Variants in NALF1 observed in about 807,000 individuals in gnomAD.
NALF1 encodes the protein NALCN channel auxiliary factor 1.
Under a neutral mutation model 48.4 loss-of-function variants are expected in NALF1, and 3 were observed. The ratio of observed to expected loss-of-function variants is 0.06; its 90% confidence interval spans 0.03 to 0.16. NALF1 has a LOEUF of 0.16. NALF1 is among the 10% of genes least tolerant of loss of function. The probability of loss-of-function intolerance (pLI) is 1.00; values close to 1 mark genes in which losing one functional copy is unlikely to be tolerated. For synonymous variants in NALF1, 262 were observed against 245.7 expected, an observed-to-expected ratio of 1.07 and a Z score of -0.62; for missense variants, 526 against 571.5, an observed-to-expected ratio of 0.92 and a Z score of 0.81.
rs185539961 is a variant in NALF1, at chr13:107,367,155, G to A, written c.916-156400C>T. Among the ~76,000 whole-genome samples, 42 of 152,256 alleles carry A rather than the reference G, an allele frequency of 2.8e-4. 1 individual carries two copies. Among genetic ancestry groups the A allele is most frequent in the Admixed American group, 2.5e-3 (38 of 15,298 alleles). On this transcript the variant is annotated intron_variant, in intron 1 of 2. Coordinates refer to ENST00000375915, the MANE Select transcript of NALF1 (RefSeq NM_001080396.3). ...GGTAAGCTGTATGTGCTTACACTTG[G>A]AAAATTAATTTAAAAAAATAAAAAC...
At chr13:107,853,559 A>G (rs920298164) in intron 1 of NALF1, among the ~76,000 whole-genome samples, 3 of 152,188 alleles carry the variant, frequency 2.0e-5, no homozygotes, top group Admixed American at 1.3e-4. Context: ...GATTATCCCC[A>G]CAGCTTTAAG....
chr13:107,749,164 GTC>G (rs1555323007), intron 1 of NALF1, among the ~76,000 whole-genome samples: 6 of 139,922 alleles, frequency 4.3e-5, no homozygotes, highest in Non-Finnish European at 8.0e-5. Context: ...GTGTGTGTGT[GTC>G]TACGTGTCTG....
intron 1 of NALF1, among the ~76,000 whole-genome samples, chr13:107,713,750 T>C (rs75772943): frequency 0.069 from 10,571 of 152,290 alleles, 509 homozygotes; most frequent in Middle Eastern, 0.13. Flanking sequence ...GTGCTATATA[T>C]TTATCAGTAA....
intron 1 of NALF1, among the ~76,000 whole-genome samples, chr13:107,219,357 C>A (rs1879944262): frequency 6.6e-6 from 1 of 152,146 alleles, no homozygotes; most frequent in Admixed American, 6.5e-5. Context: ...ATTTATATCT[C>A]TAAAAAGGCA....
intron 1 of NALF1, among the ~76,000 whole-genome samples, chr13:107,679,239 G>A (rs1460277780): frequency 6.6e-6 from 1 of 151,996 alleles, no homozygotes; most frequent in African/African-American, 2.4e-5. Flanking sequence ...AATTATGGCA[G>A]GAAAATATGC....
At chr13:107,828,565 T>TTCTATCTA (rs56379915) in intron 1 of NALF1, among the ~76,000 whole-genome samples, 68 of 135,922 alleles carry the variant, frequency 5.0e-4, no homozygotes, top group East Asian at 4.6e-3. Context: ...TCATATTAAA[T>TTCTATCTA]TCTATCTATC....
intron 1 of NALF1, among the ~76,000 whole-genome samples, chr13:107,459,978 G>T (rs757709860): frequency 6.6e-6 from 1 of 152,142 alleles, no homozygotes; most frequent in Non-Finnish European, 1.5e-5. Context: ...CTGGGTTCAA[G>T]GGAGACGCCA....
At chr13:107,555,093 T>C (rs755058895) in intron 1 of NALF1, among the ~76,000 whole-genome samples, 3 of 152,072 alleles carry the variant, frequency 2.0e-5, no homozygotes, top group Non-Finnish European at 4.4e-5. Flanking sequence ...TTACTTAAAT[T>C]GGCAGCAAAC....
chr13:107,199,099 A>C (rs1024853914), intron 2 of NALF1, among the ~76,000 whole-genome samples: 1 of 151,698 alleles, frequency 6.6e-6, no homozygotes, highest in Admixed American at 6.6e-5. Context: ...GTCCTAGTTC[A>C]ATAGGACAGA....
At chr13:107,454,903 A>G (rs1175330919) in intron 1 of NALF1, among the ~76,000 whole-genome samples, 1 of 152,152 alleles carries the variant, frequency 6.6e-6, no homozygotes, top group Non-Finnish European at 1.5e-5. Context: ...ATTGTTTGCT[A>G]AGAGTTAAAT....
chr13:107,418,106 G>A (rs1237850689), intron 1 of NALF1, among the ~76,000 whole-genome samples: 1 of 152,072 alleles, frequency 6.6e-6, no homozygotes, highest in African/African-American at 2.4e-5. Flanking sequence ...TTAAATAGAA[G>A]ACATTTTTCT....
At chr13:107,528,283 A>G (rs1214552924) in intron 1 of NALF1, among the ~76,000 whole-genome samples, 1 of 152,146 alleles carries the variant, frequency 6.6e-6, no homozygotes, top group East Asian at 1.9e-4. Context: ...AAACTTTGTC[A>G]TAATAAACGT....
intron 1 of NALF1, among the ~76,000 whole-genome samples, chr13:107,242,678 A>G (rs1355152604): frequency 6.6e-6 from 1 of 152,098 alleles, no homozygotes; most frequent in East Asian, 1.9e-4. Flanking sequence ...TGTTTACCTA[A>G]ATGATCCATT....
intron 1 of NALF1, among the ~76,000 whole-genome samples, chr13:107,381,899 C>T (rs1883446810): frequency 6.6e-6 from 1 of 152,170 alleles, no homozygotes; most frequent in Non-Finnish European, 1.5e-5. Context: ...TTACTTCCAC[C>T]TGCCACTACT....
chr13:107,831,008 G>C (rs759563803), intron 1 of NALF1, among the ~76,000 whole-genome samples: 1 of 152,154 alleles, frequency 6.6e-6, no homozygotes, highest in African/African-American at 2.4e-5. Flanking sequence ...CTGGCTGTGC[G>C]GATTAAAGGA....
At chr13:107,865,535 A>C in intron 1 of NALF1, 147 bp downstream of exon 1, 1 of 1,121,084 alleles carries the variant, frequency 8.9e-7, no homozygotes, top group Admixed American at 2.4e-5. Context: ...TCTCATCTCA[A>C]ACAGCAAGCC....
chr13:107,254,062 AAT>A (rs752603846), intron 1 of NALF1, among the ~76,000 whole-genome samples: 10 of 138,570 alleles, frequency 7.2e-5, no homozygotes, highest in Non-Finnish European at 6.3e-5. Context: ...CAAGTACTAA[AAT>A]ATATATATAT....
At chr13:107,506,307 CTGTA>C (rs1448608280) in intron 1 of NALF1, among the ~76,000 whole-genome samples, 3 of 151,892 alleles carry the variant, frequency 2.0e-5, no homozygotes, top group African/African-American at 7.3e-5. Context: ...GTCAAGCTAC[CTGTA>C]TGTATTTTTT....
chr13:107,305,412 T>C (rs1364377494), intron 1 of NALF1, among the ~76,000 whole-genome samples: 5 of 152,254 alleles, frequency 3.3e-5, no homozygotes, highest in South Asian at 2.1e-4. Flanking sequence ...ACAAATGGCA[T>C]CATTATATCC....
Sources: allele counts gnomAD v4.1 joint callset (sites outside exome capture counted in the v4.1 genomes callset), GRCh38; gene constraint gnomAD v4.1.1; transcripts MANE v1.5; gene names NCBI Gene and HGNC (gene_info 2026-07-23, HGNC 2026-07-21).